WNT7A: variants seen among roughly 807,000 people sequenced by gnomAD.
WNT7A encodes Wnt family member 7A.
WNT7A carries 16 observed loss-of-function variants against 28.2 expected under a neutral mutation model. The observed-to-expected ratio is 0.57, with a 90% CI of 0.38 to 0.86. The LOEUF (loss-of-function observed/expected upper bound fraction) is 0.86, where lower values mean the gene tolerates loss of function less well. Ranked by LOEUF, WNT7A falls within the 40% of genes least tolerant of loss-of-function variation. WNT7A has a pLI of 0.00. For missense variants in WNT7A, 411 were observed against 489.7 expected, an observed-to-expected ratio of 0.84 and a Z score of 1.52; for synonymous variants, 190 against 195.9, an observed-to-expected ratio of 0.97 and a Z score of 0.25.
intron 2 of WNT7A, among the ~76,000 whole-genome samples, chr3:13,869,277 G>A (rs1056327589): frequency 7.0e-6 from 1 of 143,304 alleles, no homozygotes; most frequent in Non-Finnish European, 1.5e-5. Context: ...AGAAAAGAAA[G>A]GACGAGAGAA....
At chr3:13,868,590 G>GAGA (rs1559306953) in intron 2 of WNT7A, among the ~76,000 whole-genome samples, 1 of 11,576 alleles carries the variant, frequency 8.6e-5, no homozygotes, top group Non-Finnish European at 1.5e-4. Flanking sequence ...GAGAGAGAGA[G>GAGA]GGAGAAAGAA....
At chr3:13,824,231 A>T (rs1037079805) in intron 3 of WNT7A, among the ~76,000 whole-genome samples, 2 of 152,044 alleles carry the variant, frequency 1.3e-5, no homozygotes, top group Non-Finnish European at 2.9e-5. Flanking sequence ...GAAACTCCAT[A>T]CCCATTGCAG....
chr3:13,864,951 G>A (rs1239531359), intron 2 of WNT7A, among the ~76,000 whole-genome samples: 8 of 152,214 alleles, frequency 5.3e-5, no homozygotes, highest in African/African-American at 1.2e-4. Flanking sequence ...GGCAATGTCC[G>A]AAGCGAGGAT....
chr3:13,828,027 C>G (rs1452370876), intron 3 of WNT7A, among the ~76,000 whole-genome samples: 1 of 152,136 alleles, frequency 6.6e-6, no homozygotes. Flanking sequence ...TGTTTTCTAG[C>G]AAGCCCAGTG....
intron 2 of WNT7A, among the ~76,000 whole-genome samples, chr3:13,865,618 G>C (rs530270028): frequency 6.6e-6 from 1 of 152,160 alleles, no homozygotes; most frequent in Non-Finnish European, 1.5e-5. Context: ...CAGAGAAAAC[G>C]GAGCACCTGC....
Position 13,850,119 on chromosome 3 carries a change from G to A in WNT7A, c.570+4413C>T, listed in dbSNP as rs569033474. 1.1e-3 allele frequency among the ~76,000 whole-genome samples: 168 copies of A among 152,358 alleles called. 1 individual carries two copies. The highest frequency in any genetic ancestry group is 1.8e-3 in the Non-Finnish European group (120 of 68,018). On this transcript the variant is annotated intron_variant, in intron 3 of 3. Coordinates refer to ENST00000285018, the MANE Select transcript of WNT7A (RefSeq NM_004625.4). ...GCTGCAAGCCTTTCCATTCGCAAGG[G>A]CAAGAACCCACACCTGTGCCCAGGG...
chr3:13,835,110 C>T (rs569432284), intron 3 of WNT7A, among the ~76,000 whole-genome samples: 29 of 152,208 alleles, frequency 1.9e-4, no homozygotes, highest in African/African-American at 6.3e-4. Flanking sequence ...GGGCAAAGGC[C>T]GAGGGCAGAA....
intron 2 of WNT7A, among the ~76,000 whole-genome samples, chr3:13,860,799 A>G (rs1163510204): frequency 6.6e-6 from 1 of 152,154 alleles, no homozygotes; most frequent in East Asian, 1.9e-4. Flanking sequence ...CCGAATGCCT[A>G]AGATAAATGC....
At chr3:13,840,815 C>G (rs986770952) in intron 3 of WNT7A, among the ~76,000 whole-genome samples, 6 of 152,208 alleles carry the variant, frequency 3.9e-5, no homozygotes, top group Admixed American at 2.0e-4. Context: ...ATGCATGCAT[C>G]CATCCATCCA....
rs972586708 is a variant in WNT7A at position 13,818,683 on chromosome 3, C to T, written c.*261G>A. The T allele has an allele frequency of 2.8e-6, 1 of 353,772 alleles. No individual in the cohort carries two copies. The highest frequency in any genetic ancestry group is 5.0e-6 in the Non-Finnish European group (1 of 198,384). The allele number at this position is 353,772 out of a possible 1,614,324, so 21.9% of individuals were successfully genotyped here. On this transcript the variant is annotated 3_prime_UTR_variant, in exon 4 of 4. Coordinates refer to ENST00000285018, the MANE Select transcript of WNT7A (RefSeq NM_004625.4). ...GAGGCCCAGGGGTCCAGAGTTCCTG[C>T]TGCAGAAGGCTTCGCTCCAGCCGCG...
At chr3:13,831,862 T>C (rs1012730678) in intron 3 of WNT7A, among the ~76,000 whole-genome samples, 2 of 152,122 alleles carry the variant, frequency 1.3e-5, no homozygotes, top group Non-Finnish European at 2.9e-5. Context: ...CACTGCCTTA[T>C]AGGTGTATCT....
At chr3:13,833,187 C>T (rs1157131871) in intron 3 of WNT7A, among the ~76,000 whole-genome samples, 2 of 152,178 alleles carry the variant, frequency 1.3e-5, no homozygotes, top group East Asian at 3.9e-4. Flanking sequence ...CACACCCTCA[C>T]ACTCATCAGC....
At chr3:13,850,113 G>A (rs1257203863) in intron 3 of WNT7A, among the ~76,000 whole-genome samples, 2 of 152,248 alleles carry the variant, frequency 1.3e-5, no homozygotes, top group East Asian at 1.9e-4. Context: ...CTTTCCATTC[G>A]CAAGGGCAAG....
At chr3:13,868,768 GAAGGGAAGGGAGGA>G (rs1396554851) in intron 2 of WNT7A, among the ~76,000 whole-genome samples, 1 of 139,152 alleles carries the variant, frequency 7.2e-6, no homozygotes, top group Admixed American at 7.3e-5. Context: ...GAAGGGAAGG[GAAGGGAAGGGAGGA>G]AGGAAGGAAG....
intron 3 of WNT7A, among the ~76,000 whole-genome samples, chr3:13,840,360 T>C (rs532822052): frequency 1.3e-5 from 2 of 152,330 alleles, no homozygotes; most frequent in African/African-American, 4.8e-5. Flanking sequence ...TCCCCCGGAA[T>C]GTCAGCTCCA....
chr3:13,869,459 C>CAGAA (rs891396592), intron 2 of WNT7A, among the ~76,000 whole-genome samples: 10 of 111,534 alleles, frequency 9.0e-5, no homozygotes, highest in African/African-American at 1.4e-4. Flanking sequence ...GAAAGAAAGA[C>CAGAA]AGAAAGAAAG....
In WNT7A at chr3:13,824,134, T is replaced by C. The variant is rs188007143; in HGVS notation, c.571-4711A>G. On this transcript the variant is annotated intron_variant, in intron 3 of 3. Coordinates refer to ENST00000285018, the MANE Select transcript of WNT7A (RefSeq NM_004625.4). The stretch of plus-strand genomic sequence containing the variant: ...TACCACACAATTCTCCCATCAAAAG[T>C]GTACAATTCAATGGTTTTTAGTATA... Among the ~76,000 whole-genome samples the C allele has an allele frequency of 7.3e-4, 111 of 152,358 alleles. 1 individual carries two copies. The East Asian group carries it at 0.015, about 21-fold the overall frequency.
intron 3 of WNT7A, among the ~76,000 whole-genome samples, chr3:13,841,482 C>T (rs1189763064): frequency 3.9e-5 from 6 of 152,172 alleles, no homozygotes. Context: ...CCGCTCTGTG[C>T]CTCAGTTTCC....
At chr3:13,861,186 C>T (rs1195955870) in intron 2 of WNT7A, among the ~76,000 whole-genome samples, 1 of 152,216 alleles carries the variant, frequency 6.6e-6, no homozygotes, top group East Asian at 1.9e-4. Context: ...CATGTGGAGC[C>T]TGTGAGTGAA....
Sources: allele counts gnomAD v4.1 joint callset (sites outside exome capture counted in the v4.1 genomes callset), GRCh38; gene constraint gnomAD v4.1.1; transcripts MANE v1.5; gene names NCBI Gene and HGNC (gene_info 2026-07-23, HGNC 2026-07-21).